The following GRID1 variants were observed in gnomAD, a reference collection of about 807,000 sequenced individuals.
GRID1 encodes the protein glutamate receptor ionotropic, delta-1.
In GRID1, 28 loss-of-function variants were observed where a neutral mutation model predicts 98.0. The ratio of observed to expected loss-of-function variants is 0.29; its 90% CI spans 0.21 to 0.39. GRID1 has a LOEUF of 0.39. GRID1 is among the 10% of genes least tolerant of loss of function. GRID1 has a pLI of 1.00. For missense variants in GRID1, 1,111 were observed against 1,340.5 expected, an observed-to-expected ratio of 0.83 and a Z score of 2.67; for synonymous variants, 553 against 538.5, an observed-to-expected ratio of 1.03 and a Z score of -0.37.
intron 3 of GRID1, among the ~76,000 whole-genome samples, chr10:86,181,401 C>A (rs1845653204): frequency 6.6e-6 from 1 of 152,176 alleles, no homozygotes; most frequent in East Asian, 1.9e-4. Context: ...TAGGTTGCCT[C>A]TTCCAGTGGA....
At chr10:86,229,042 G>A (rs920521963) in intron 2 of GRID1, among the ~76,000 whole-genome samples, 1 of 152,174 alleles carries the variant, frequency 6.6e-6, no homozygotes, top group Admixed American at 6.5e-5. Context: ...GGTCCAGAGT[G>A]GGGCTCCGTG....
At chr10:86,333,660 A>T (rs757415095) in intron 2 of GRID1, among the ~76,000 whole-genome samples, 5 of 152,270 alleles carry the variant, frequency 3.3e-5, no homozygotes, top group Non-Finnish European at 1.5e-5. Context: ...TACCATAAAC[A>T]GTCTATTAAC....
At chr10:86,290,875 C>T (rs984220016) in intron 2 of GRID1, among the ~76,000 whole-genome samples, 4 of 152,098 alleles carry the variant, frequency 2.6e-5, no homozygotes, top group Non-Finnish European at 5.9e-5. Flanking sequence ...AATAGACCAG[C>T]AAGAGAGAAC....
At chr10:86,021,146 C>T (rs1325244186) in intron 4 of GRID1, among the ~76,000 whole-genome samples, 1 of 152,144 alleles carries the variant, frequency 6.6e-6, no homozygotes, top group Non-Finnish European at 1.5e-5. Context: ...GAGGAATCCA[C>T]TTGCAATTGC....
At chr10:85,695,741 A>G (rs1841385720) in intron 12 of GRID1, among the ~76,000 whole-genome samples, 1 of 152,222 alleles carries the variant, frequency 6.6e-6, no homozygotes, top group Non-Finnish European at 1.5e-5. Flanking sequence ...TCAATCTAAA[A>G]ATAAATAAGA....
chr10:86,131,341 G>A (rs77456403), intron 4 of GRID1, among the ~76,000 whole-genome samples: 14 of 152,130 alleles, frequency 9.2e-5, no homozygotes, highest in African/African-American at 2.2e-4. Flanking sequence ...GAGCCATTTC[G>A]GCTGCTGCAG....
Position 85,985,928 on chromosome 10 carries a change from T to C in GRID1, c.727-69689A>G, listed in dbSNP as rs1276265303. Among the ~76,000 whole-genome samples the C allele has an allele frequency of 2.0e-5, 3 of 152,186 alleles. No homozygotes were observed. The East Asian group carries it at 5.8e-4, about 29-fold the overall frequency. On this transcript the variant is annotated intron_variant, in intron 4 of 15. Coordinates refer to ENST00000327946, the MANE Select transcript of GRID1 (RefSeq NM_017551.3). The stretch of plus-strand genomic sequence containing the variant: ...CAAATCCTGACAAATTTGGAATATG[T>C]GGTTTCATCTCTCAGAACATGAATT...
chr10:85,629,687 A>G (rs922050087), intron 13 of GRID1, among the ~76,000 whole-genome samples: 3 of 152,248 alleles, frequency 2.0e-5, no homozygotes, highest in Non-Finnish European at 2.9e-5. Context: ...CTATAAACAT[A>G]TAACTACAGT....
intron 4 of GRID1, among the ~76,000 whole-genome samples, chr10:85,928,532 G>C (rs1046648576): frequency 2.0e-5 from 3 of 152,202 alleles, no homozygotes; most frequent in Admixed American, 1.3e-4. Context: ...TGAAGGCTGG[G>C]AGCTGGGCCA....
intron 2 of GRID1, among the ~76,000 whole-genome samples, chr10:86,279,941 T>A (rs538648730): frequency 6.6e-5 from 10 of 152,362 alleles, no homozygotes; most frequent in African/African-American, 2.4e-4. Flanking sequence ...CAGCAGCTCA[T>A]GCCTCTAATC....
intron 4 of GRID1, among the ~76,000 whole-genome samples, chr10:85,966,298 G>A (rs1386324509): frequency 6.6e-6 from 1 of 152,158 alleles, no homozygotes; most frequent in Non-Finnish European, 1.5e-5. Context: ...TGCCCATAGG[G>A]ACATTGGGAA....
chr10:85,611,854 AT>A (rs894612471), intron 15 of GRID1, among the ~76,000 whole-genome samples: 1 of 152,092 alleles, frequency 6.6e-6, no homozygotes, highest in African/African-American at 2.4e-5. Flanking sequence ...TTTATACAAA[AT>A]TTTCCAGTAG....
At chr10:86,183,927 T>G (rs1294897105) in intron 3 of GRID1, among the ~76,000 whole-genome samples, 1 of 152,268 alleles carries the variant, frequency 6.6e-6, no homozygotes, top group African/African-American at 2.4e-5. Flanking sequence ...AACTTCCTGA[T>G]GCTTGGTATA....
At chr10:86,185,774 T>G (rs1208060515) in intron 3 of GRID1, among the ~76,000 whole-genome samples, 1 of 152,216 alleles carries the variant, frequency 6.6e-6, no homozygotes, top group African/African-American at 2.4e-5. Context: ...TTTTGAATGT[T>G]AAATCAGCCT....
At chr10:86,040,176 A>G (rs1843326202) in intron 4 of GRID1, among the ~76,000 whole-genome samples, 1 of 152,126 alleles carries the variant, frequency 6.6e-6, no homozygotes, top group Admixed American at 6.5e-5. Context: ...ATCATGAAAA[A>G]CAGTATGCAG....
chr10:86,098,726 T>G (rs1844254845), intron 4 of GRID1, among the ~76,000 whole-genome samples: 1 of 152,240 alleles, frequency 6.6e-6, no homozygotes, highest in African/African-American at 2.4e-5. Flanking sequence ...CTGTTTTAAT[T>G]TGCATTGTTT....
intron 4 of GRID1, among the ~76,000 whole-genome samples, chr10:86,100,357 C>A (rs892876024): frequency 6.6e-6 from 1 of 152,026 alleles, no homozygotes; most frequent in Admixed American, 6.5e-5. Context: ...CCTATTCAAT[C>A]ATTTAGTCAA....
At chr10:85,959,643 G>C (rs186803460) in intron 4 of GRID1, among the ~76,000 whole-genome samples, 2 of 150,296 alleles carry the variant, frequency 1.3e-5, no homozygotes, top group Non-Finnish European at 2.9e-5. Context: ...CTCTTTTTCC[G>C]GTCTGGCTTC....
chr10:86,096,268 C>A lies in GRID1; in HGVS notation c.726+42551G>T, dbSNP rs535868425. Among the ~76,000 whole-genome samples the A allele has an allele frequency of 2.6e-5, 4 of 152,102 alleles. No individual in the cohort carries two copies. The South Asian group carries it at 8.3e-4, about 32-fold the overall frequency. ...AGTGTATACATGGATGATGGGTGCA[C>A]CAAAATCTCACAAATCACCACGAAA... On this transcript the variant is annotated intron_variant, in intron 4 of 15. Transcript: ENST00000327946.
Sources: gnomAD v4.1 joint callset for allele counts (sites outside exome capture counted in the v4.1 genomes callset) on GRCh38, gnomAD v4.1.1 for gene constraint, MANE v1.5 for transcripts, NCBI Gene and HGNC (gene_info 2026-07-23, HGNC 2026-07-21) for gene names.